DLGAP1: variants seen among roughly 807,000 people sequenced by gnomAD.
DLGAP1 encodes the protein DLG associated protein 1.
In DLGAP1, 11 loss-of-function variants were observed where a neutral mutation model predicts 90.8. The ratio of observed to expected loss-of-function variants is 0.12; its 90% CI spans 0.08 to 0.20. The LOEUF (loss-of-function observed/expected upper bound fraction) is 0.20. Among genes scored for constraint, DLGAP1 ranks in the 10% least tolerant of loss-of-function variants. DLGAP1 has a pLI of 1.00. For missense variants in DLGAP1, 1,050 were observed against 1,333.8 expected, an observed-to-expected ratio of 0.79 and a Z score of 3.31; for synonymous variants, 558 against 540.7, an observed-to-expected ratio of 1.03 and a Z score of -0.44.
At chr18:3,655,106 A>G (rs1020131546) in intron 7 of DLGAP1, among the ~76,000 whole-genome samples, 1 of 150,342 alleles carries the variant, frequency 6.7e-6, no homozygotes, top group Non-Finnish European at 1.5e-5. Context: ...CCCACTCCCC[A>G]CCTCCATGCA....
intron 2 of DLGAP1, among the ~76,000 whole-genome samples, chr18:4,036,263 G>T (rs1247012472): frequency 1.3e-5 from 2 of 152,148 alleles, no homozygotes; most frequent in African/African-American, 2.4e-5. Context: ...CTCAAAGTGG[G>T]TGTGAAGAGG....
At chr18:4,036,263 G>A (rs1247012472) in intron 2 of DLGAP1, among the ~76,000 whole-genome samples, 3 of 152,148 alleles carry the variant, frequency 2.0e-5, no homozygotes, top group African/African-American at 7.2e-5. Flanking sequence ...CTCAAAGTGG[G>A]TGTGAAGAGG....
intron 3 of DLGAP1, among the ~76,000 whole-genome samples, chr18:3,923,937 A>G (rs1344406320): frequency 6.6e-6 from 1 of 152,210 alleles, no homozygotes; most frequent in Non-Finnish European, 1.5e-5. Context: ...GTCACTATCT[A>G]ATGACGACTC....
At chr18:3,515,924 A>G (rs1304504951) in intron 10 of DLGAP1, among the ~76,000 whole-genome samples, 1 of 152,192 alleles carries the variant, frequency 6.6e-6, no homozygotes. Flanking sequence ...TTCCATCTCA[A>G]GAAACTACTT....
At chr18:3,596,530 G>A in intron 7 of DLGAP1, 1 of 209,744 alleles carries the variant, frequency 4.8e-6, no homozygotes, top group Admixed American at 6.3e-5. Flanking sequence ...TCAGCAACCT[G>A]TTGCTATATT....
At chr18:4,224,781 G>A (rs1381004733) in intron 1 of DLGAP1, among the ~76,000 whole-genome samples, 2 of 152,198 alleles carry the variant, frequency 1.3e-5, no homozygotes, top group Admixed American at 1.3e-4. Flanking sequence ...TCACTACACT[G>A]AAGAGAAGGA....
intron 1 of DLGAP1, among the ~76,000 whole-genome samples, chr18:4,249,802 T>G (rs1313597675): frequency 1.3e-5 from 2 of 152,202 alleles, no homozygotes; most frequent in Admixed American, 1.3e-4. Flanking sequence ...CTCCCCAGGC[T>G]GGTCTCAAAC....
At chr18:3,613,264 C>T (rs1324177452) in intron 7 of DLGAP1, among the ~76,000 whole-genome samples, 2 of 152,102 alleles carry the variant, frequency 1.3e-5, no homozygotes, top group African/African-American at 2.4e-5. Flanking sequence ...AGATATAAAA[C>T]CCTTCTCAGG....
Position 3,499,689 on chromosome 18 carries a change from C to T in DLGAP1, c.2725-295G>A, listed in dbSNP as rs1301467932. On this transcript the variant is annotated intron_variant, in intron 12 of 12. Coordinates refer to ENST00000315677, the MANE Select transcript of DLGAP1 (RefSeq NM_004746.4). This position sits in a 1 kb window ranked among gnomAD's most constrained non-coding sequence, Gnocchi z 6.4. ...GGCCCCCTGCGGAAAGCCTGCGGCT[C>T]CCAGCACATTGAGTGCGGTTCTCTC... Among the ~76,000 whole-genome samples the T allele has an allele frequency of 6.6e-6, 1 of 152,112 alleles. No homozygotes were observed. Among genetic ancestry groups the T allele is most frequent in the Non-Finnish European group, 1.5e-5 (1 of 68,032 alleles).
intron 1 of DLGAP1, among the ~76,000 whole-genome samples, chr18:4,450,826 G>A (rs2083807059): frequency 6.6e-6 from 1 of 152,226 alleles, no homozygotes; most frequent in Non-Finnish European, 1.5e-5. Context: ...CCTAGGGAGA[G>A]GGAGGAAGGT....
At chr18:4,139,954 T>C (rs1419359919) in intron 2 of DLGAP1, among the ~76,000 whole-genome samples, 3 of 152,034 alleles carry the variant, frequency 2.0e-5, no homozygotes, top group Non-Finnish European at 4.4e-5. Flanking sequence ...TCCATTTGCA[T>C]GGAATATCTT....
intron 2 of DLGAP1, among the ~76,000 whole-genome samples, chr18:4,070,329 A>G (rs1217628113): frequency 6.6e-6 from 1 of 152,070 alleles, no homozygotes; most frequent in African/African-American, 2.4e-5. Context: ...GCTAAATACT[A>G]GAGTTTTTTG....
At chr18:4,344,546 G>C (rs1374674935) in intron 1 of DLGAP1, among the ~76,000 whole-genome samples, 1 of 152,194 alleles carries the variant, frequency 6.6e-6, no homozygotes, top group South Asian at 2.1e-4. Context: ...AGAGAAAACA[G>C]AGAAAAGTAT....
chr18:4,145,106 A>G (rs2076562968), intron 2 of DLGAP1, among the ~76,000 whole-genome samples: 1 of 152,190 alleles, frequency 6.6e-6, no homozygotes, highest in Admixed American at 6.5e-5. Context: ...TGGTTGCCCA[A>G]TTAACAATAT....
chr18:4,343,179 C>T (rs374266654), intron 1 of DLGAP1, among the ~76,000 whole-genome samples: 9 of 151,676 alleles, frequency 5.9e-5, no homozygotes, highest in South Asian at 4.2e-4. Flanking sequence ...TGGTGGCAGG[C>T]GCCTGTAGTC....
chr18:4,363,957 G>A (rs1036738662), intron 1 of DLGAP1, among the ~76,000 whole-genome samples: 42 of 151,824 alleles, frequency 2.8e-4, no homozygotes, highest in African/African-American at 9.9e-4. Flanking sequence ...ATATGCACAC[G>A]TATGTTTATT....
chr18:3,720,283 A>G (rs1051620541), intron 7 of DLGAP1, among the ~76,000 whole-genome samples: 3 of 152,246 alleles, frequency 2.0e-5, no homozygotes, highest in African/African-American at 7.2e-5. Context: ...AGGTAAAACA[A>G]AATAAAAATT....
At position 4,173,905 on chromosome 18, in the gene DLGAP1, T is replaced by C. The variant is rs554909869; in HGVS notation, c.-266-22618A>G. On this transcript the variant is annotated intron_variant, in intron 1 of 12. Coordinates refer to ENST00000315677, the MANE Select transcript of DLGAP1 (RefSeq NM_004746.4). ...GTTGGATCCACTCATGGTTTCTACCTGGCTCTCGGGACATCTCCAGTTCCT... is the reference window on the plus strand; with the variant it reads ...GTTGGATCCACTCATGGTTTCTACCCGGCTCTCGGGACATCTCCAGTTCCT... Among the ~76,000 whole-genome samples the C allele has an allele frequency of 1.5e-4, 23 of 152,352 alleles. No individual in the cohort carries two copies. In the South Asian group the frequency reaches 4.4e-3, roughly 29 times the overall value.
At chr18:3,735,955 C>CAA (rs1878592068) in intron 6 of DLGAP1, among the ~76,000 whole-genome samples, 1 of 151,962 alleles carries the variant, frequency 6.6e-6, no homozygotes, top group African/African-American at 2.4e-5. Context: ...TCTCTCTACA[C>CAA]ACACACACAC....
Sources: gnomAD v4.1 joint callset for allele counts (sites outside exome capture counted in the v4.1 genomes callset) on GRCh38, gnomAD v4.1.1 for gene constraint, Gnocchi (gnomAD v3.1) non-coding constraint, MANE v1.5 for transcripts, NCBI Gene and HGNC (gene_info 2026-07-23, HGNC 2026-07-21) for gene names.